The following CTNNBL1 variants were observed in gnomAD, a reference collection of about 807,000 sequenced individuals.
The protein encoded by CTNNBL1 is catenin beta like 1, also known as beta-catenin-like protein 1.
Under a neutral mutation model 72.7 loss-of-function variants are expected in CTNNBL1, and 31 were observed. The observed-to-expected ratio is 0.43, with a 90% confidence interval of 0.32 to 0.58. The LOEUF (loss-of-function observed/expected upper bound fraction) is 0.58. Among genes scored for constraint, CTNNBL1 ranks in the 20% least tolerant of loss-of-function variants. The pLI is 0.08. For missense variants in CTNNBL1, 534 were observed against 725.1 expected (o/e 0.74, Z 3.03); for synonymous variants, 240 against 267.3 (o/e 0.90, Z 1.00).
intron 11 of CTNNBL1, among the ~76,000 whole-genome samples, chr20:37,820,762 G>A (rs546816368): frequency 4.6e-5 from 7 of 152,228 alleles, no homozygotes; most frequent in African/African-American, 1.4e-4. Context: ...CCCCAGCCAG[G>A]CAGAACTGTC....
chr20:37,800,513 G>T (rs2073815137), intron 10 of CTNNBL1, among the ~76,000 whole-genome samples: 1 of 152,184 alleles, frequency 6.6e-6, no homozygotes. Context: ...AATCTCTTCA[G>T]AAACTGTCTC....
intron 5 of CTNNBL1, among the ~76,000 whole-genome samples, chr20:37,758,537 C>T (rs1486731395): frequency 6.6e-6 from 1 of 152,228 alleles, no homozygotes; most frequent in Non-Finnish European, 1.5e-5. Flanking sequence ...GTTTCCACTG[C>T]CCCAGATTCC....
chr20:37,810,426 T>C (rs2072000758), intron 11 of CTNNBL1, among the ~76,000 whole-genome samples: 1 of 152,192 alleles, frequency 6.6e-6, no homozygotes, highest in African/African-American at 2.4e-5. Flanking sequence ...TGAGGGTGGA[T>C]CTCGCATAGC....
chr20:37,779,555 T>C (rs1452159122), intron 10 of CTNNBL1, among the ~76,000 whole-genome samples: 2 of 152,166 alleles, frequency 1.3e-5, no homozygotes, highest in Non-Finnish European at 2.9e-5. Flanking sequence ...GTTCTGTTTG[T>C]GCCCTACTGT....
intron 11 of CTNNBL1, among the ~76,000 whole-genome samples, chr20:37,829,899 A>G (rs2072193073): frequency 1.3e-5 from 2 of 152,138 alleles, no homozygotes; most frequent in Admixed American, 6.5e-5. Flanking sequence ...TAGTGCGATC[A>G]TGGCTCATTG....
chr20:37,834,252 G>A (rs1479156321), intron 11 of CTNNBL1, among the ~76,000 whole-genome samples: 1 of 151,120 alleles, frequency 6.6e-6, no homozygotes, highest in Non-Finnish European at 1.5e-5. Flanking sequence ...ATCTTGTTGA[G>A]GTATATAAAG....
chr20:37,714,553 C>T (rs2072969751), intron 1 of CTNNBL1, among the ~76,000 whole-genome samples: 1 of 152,188 alleles, frequency 6.6e-6, no homozygotes, highest in Non-Finnish European at 1.5e-5. Flanking sequence ...ATTTTGTAAT[C>T]TGACAGTTGA....
At chr20:37,775,814 A>T (rs978934044) in intron 7 of CTNNBL1, among the ~76,000 whole-genome samples, 2 of 152,216 alleles carry the variant, frequency 1.3e-5, no homozygotes, top group Non-Finnish European at 2.9e-5. Context: ...GAGGCATTAG[A>T]TCCACAGAAA....
chr20:37,859,468 A>G (rs1302332335), intron 13 of CTNNBL1, among the ~76,000 whole-genome samples: 1 of 152,014 alleles, frequency 6.6e-6, no homozygotes, highest in Non-Finnish European at 1.5e-5. Context: ...TGTCACTCTT[A>G]CCTCATCATA....
rs923790934 is a variant in CTNNBL1 at position 37,842,418 on chromosome 20, A to C, written c.1391A>C (p.His464Pro). 6.2e-7 allele frequency: 1 copy of C among 1,611,030 alleles called. No individual in the cohort carries two copies. Among genetic ancestry groups the C allele is most frequent in the African/African-American group, 1.3e-5 (1 of 74,854 alleles). ...VADKKIEGEK[H>P]DMVRRGEIID... The stretch of plus-strand genomic sequence containing the variant: ...GACAAGAAGATTGAAGGGGAAAAAC[A>C]CGTATGTATCCCTGCCTCACTTTTG... The change falls in exon 13 of 16, where the codon CAC becomes CCC. Residue 464 changes from histidine to proline, a missense_variant and splice_region_variant. By Grantham distance (77) the His-to-Pro change is moderately conservative. Coordinates refer to ENST00000361383, the MANE Select transcript of CTNNBL1 (RefSeq NM_030877.5).
chr20:37,856,716 C>T (rs188556419), intron 13 of CTNNBL1, among the ~76,000 whole-genome samples: 82 of 152,254 alleles, frequency 5.4e-4, no homozygotes, highest in Non-Finnish European at 1.1e-3. Flanking sequence ...TCTTCCAGGA[C>T]GCCCTTACAT....
intron 11 of CTNNBL1, among the ~76,000 whole-genome samples, chr20:37,821,462 A>C (rs941139294): frequency 6.6e-6 from 1 of 152,186 alleles, no homozygotes; most frequent in African/African-American, 2.4e-5. Context: ...TTATATATTG[A>C]ATCCTTATGT....
chr20:37,834,367 C>T (rs2072237242), intron 11 of CTNNBL1, among the ~76,000 whole-genome samples: 1 of 152,152 alleles, frequency 6.6e-6, no homozygotes, highest in African/African-American at 2.4e-5. Flanking sequence ...GCCTGAAACT[C>T]AAAGTCTCTT....
At chr20:37,781,556 G>A (rs769821647) in intron 10 of CTNNBL1, among the ~76,000 whole-genome samples, 1 of 151,994 alleles carries the variant, frequency 6.6e-6, no homozygotes, top group South Asian at 2.1e-4. Flanking sequence ...TTCATTCTTT[G>A]GCATTAATTA....
At chr20:37,819,601 A>C (rs1275743154) in intron 11 of CTNNBL1, among the ~76,000 whole-genome samples, 1 of 151,882 alleles carries the variant, frequency 6.6e-6, no homozygotes, top group Non-Finnish European at 1.5e-5. Context: ...TCTCAAATAA[A>C]CCCCTTTTTA....
chr20:37,714,245 C>T (rs1010192790), intron 1 of CTNNBL1, among the ~76,000 whole-genome samples: 4 of 152,140 alleles, frequency 2.6e-5, no homozygotes, highest in African/African-American at 7.2e-5. Context: ...ACCAGATCAG[C>T]GCCTGCCATT....
At chr20:37,859,228 G>C (rs1311276383) in intron 13 of CTNNBL1, among the ~76,000 whole-genome samples, 1 of 151,694 alleles carries the variant, frequency 6.6e-6, no homozygotes, top group South Asian at 2.1e-4. Flanking sequence ...GTGGTGGCAC[G>C]TGCCTGTAAT....
chr20:37,871,071 C>T (rs554607414), intron 15 of CTNNBL1, among the ~76,000 whole-genome samples: 87 of 152,244 alleles, frequency 5.7e-4, no homozygotes, highest in African/African-American at 2.0e-3. Context: ...ATTCCCATTC[C>T]CAAAAAAAGG....
intron 1 of CTNNBL1, among the ~76,000 whole-genome samples, chr20:37,718,064 C>A (rs1034509239): frequency 7.9e-5 from 12 of 152,154 alleles, no homozygotes; most frequent in Admixed American, 5.2e-4. Context: ...ACCTTTCCCC[C>A]CTTTCTATTC....
Sources: gnomAD v4.1 joint callset for allele counts (sites outside exome capture counted in the v4.1 genomes callset) on GRCh38, gnomAD v4.1.1 for gene constraint, MANE v1.5 for transcripts, NCBI Gene and HGNC (gene_info 2026-07-23, HGNC 2026-07-21) for gene names.